CLPX: variants seen among roughly 807,000 people sequenced by gnomAD.
The protein encoded by CLPX is caseinolytic mitochondrial matrix peptidase chaperone subunit X.
Under a neutral mutation model 76.4 loss-of-function variants are expected in CLPX, and 34 were observed. The observed-to-expected ratio is 0.45, with a 90% CI of 0.34 to 0.59. The LOEUF (loss-of-function observed/expected upper bound fraction) is 0.59. Among genes scored for constraint, CLPX ranks in the 20% least tolerant of loss-of-function variants. CLPX has a pLI of 0.01. For missense variants in CLPX, 613 were observed against 757.0 expected (o/e 0.81, Z 2.23); for synonymous variants, 248 against 270.9 (o/e 0.92, Z 0.83).
chr15:65,183,261 G>A (rs1366579787), intron 1 of CLPX, among the ~76,000 whole-genome samples: 4 of 151,736 alleles, frequency 2.6e-5, no homozygotes, highest in African/African-American at 9.7e-5. Flanking sequence ...AGGAGATCGA[G>A]ACCATCCTGG....
intron 4 of CLPX, among the ~76,000 whole-genome samples, chr15:65,165,143 C>CCTCCTGGT (rs1447731144): frequency 2.0e-5 from 3 of 151,866 alleles, no homozygotes; most frequent in African/African-American, 7.3e-5. Context: ...TGCAGACCAG[C>CCTCCTGGT]CTGGACAACA....
intron 13 of CLPX, among the ~76,000 whole-genome samples, chr15:65,151,729 G>A (rs183510374): frequency 4.9e-4 from 74 of 152,232 alleles, no homozygotes; most frequent in African/African-American, 1.7e-3. Flanking sequence ...AACTAAGGTT[G>A]TTCAAAACAC....
chr15:65,155,759 ATGTT>A lies in CLPX; in HGVS notation c.1240_1243del (p.Asn414SerfsTer12). 1 of 1,613,418 alleles carries A rather than the reference ATGTT, an allele frequency of 6.2e-7. No homozygotes were observed. The highest frequency in any genetic ancestry group is 8.5e-7 in the Non-Finnish European group (1 of 1,179,350). On this transcript the variant is annotated frameshift_variant, in exon 10 of 14. Coordinates refer to ENST00000300107, the MANE Select transcript of CLPX (RefSeq NM_006660.5). LOFTEE classifies it high-confidence loss of function. ...GAAAGCACCAGATGCCACAAACAGG[ATGTT>A]TGTTGTATCAACTTGAACTGTTTCT...
Position 65,149,701 on chromosome 15 carries a change from A to T in CLPX, c.*1122T>A. 1 of 303,974 alleles carries T rather than the reference A, an allele frequency of 3.3e-6. No individual in the cohort carries two copies. The highest frequency in any genetic ancestry group is 6.5e-6 in the Non-Finnish European group (1 of 154,682). 18.8% of individuals were successfully genotyped at this position (303,974 alleles called of 1,614,324 possible). On this transcript the variant is annotated 3_prime_UTR_variant, in exon 14 of 14. Coordinates refer to ENST00000300107, the MANE Select transcript of CLPX (RefSeq NM_006660.5). Reference sequence around the variant, plus strand: ...AGGGTGAAACCCTGTCTCTACTAAAAATACAAAAATTAGCCAGGTGTGGTG... The same window carrying T: ...AGGGTGAAACCCTGTCTCTACTAAATATACAAAAATTAGCCAGGTGTGGTG...
chr15:65,154,959 T>C lies in CLPX; in HGVS notation c.1434A>G (p.Leu478=), dbSNP rs1178326652. 1 of 1,614,158 alleles carries C rather than the reference T, an allele frequency of 6.2e-7. No individual in the cohort carries two copies. The highest frequency in any genetic ancestry group is 2.2e-5 in the East Asian group (1 of 44,886). Reference sequence around the variant, plus strand: ...GATCTCTGGCTTCCACATGACGCAATAACCGATCTTTTTCTTCAATGTCTT... The same window carrying C: ...GATCTCTGGCTTCCACATGACGCAACAACCGATCTTTTTCTTCAATGTCTT... The part of the protein sequence containing the change: ...THQDIEEKDR[L]LRHVEARDLI... The change falls in exon 11 of 14, where the codon TTA becomes TTG. Residue 478 remains leucine (L), a synonymous_variant. Transcript: ENST00000300107.
chr15:65,175,388 C>T (rs944360620), intron 3 of CLPX, among the ~76,000 whole-genome samples: 4 of 151,958 alleles, frequency 2.6e-5, no homozygotes, highest in African/African-American at 9.7e-5. Context: ...TGGGAGGCTG[C>T]GGCTGAGGCA....
Position 65,160,592 on chromosome 15 carries a change from T to TTCTCTC in CLPX, c.716-1847_716-1842dup, listed in dbSNP as rs1226717522. On this transcript the variant is annotated intron_variant, in intron 6 of 13. Transcript: ENST00000300107. Reference sequence around the variant, plus strand: ...CCAGCAGGTGCTTGTCATTCACTCATTCTCTCTCTCTCTCTCTCTCTCTCT... The same window carrying TTCTCTC: ...CCAGCAGGTGCTTGTCATTCACTCATTCTCTCTCTCTCTCTCTCTCTCTCTCTCTCT... 9.3e-3 allele frequency among the ~76,000 whole-genome samples: 1,107 copies of TTCTCTC among 118,410 alleles called. 20 individuals carry two copies. Among genetic ancestry groups the TTCTCTC allele is most frequent in the African/African-American group, 0.031 (905 of 29,062 alleles). The allele number at this position is 118,410 out of a possible 152,430, so 77.7% of individuals were successfully genotyped here.
intron 1 of CLPX, among the ~76,000 whole-genome samples, chr15:65,183,478 A>G (rs916823264): frequency 7.3e-5 from 11 of 150,646 alleles, no homozygotes; most frequent in African/African-American, 1.7e-4. Context: ...AAAAAAAAAA[A>G]AAAAGAAAGA....
intron 3 of CLPX, 111 bp downstream of exon 3, chr15:65,178,823 G>A (rs1445086290): frequency 2.4e-5 from 13 of 530,902 alleles, no homozygotes; most frequent in East Asian, 3.4e-5. Flanking sequence ...GGCATAAGCC[G>A]TTTGCACCTG....
At chr15:65,158,521 A>T (rs2087817580) in intron 7 of CLPX, 54 bp downstream of exon 7, 3 of 1,441,604 alleles carry the variant, frequency 2.1e-6, no homozygotes, top group Non-Finnish European at 9.6e-7. Flanking sequence ...TTATAGAATC[A>T]TTTATATTCT....
Position 65,148,830 on chromosome 15 carries a change from GAAGGA to G in CLPX, c.*1988_*1992del, listed in dbSNP as rs1226717195. The G allele has an allele frequency of 6.6e-6, 1 of 151,312 alleles. No individual in the cohort carries two copies. The highest frequency in any genetic ancestry group is 2.4e-5 in the African/African-American group (1 of 41,230). 9.4% of individuals were successfully genotyped at this position (151,312 alleles called of 1,614,324 possible). A position where few individuals can be genotyped will look rare whatever the true frequency, so the allele number is the denominator to read the frequency against. On this transcript the variant is annotated 3_prime_UTR_variant, in exon 14 of 14. Coordinates refer to ENST00000300107, the MANE Select transcript of CLPX (RefSeq NM_006660.5). ...ATATAGAACTTGTACCACCATTATA[GAAGGA>G]AAGAAAAAAAGCTTAAAAGGTACCC...
At position 65,177,059 on chromosome 15, in the gene CLPX, T is replaced by C. The variant is rs146658900; in HGVS notation, c.358+1875A>G. Among the ~76,000 whole-genome samples, 661 of 152,164 alleles carry C rather than the reference T, an allele frequency of 4.3e-3. 8 individuals carry two copies. Among genetic ancestry groups the C allele is most frequent in the African/African-American group, 0.015 (616 of 41,532 alleles). On this transcript the variant is annotated intron_variant, in intron 3 of 13. Coordinates refer to ENST00000300107, the MANE Select transcript of CLPX (RefSeq NM_006660.5). ...CATCAAATTTGTTTAGAAGGTTTTA[T>C]CATCCAGTTCTACCTTTTTTTTTTG...
At chr15:65,167,601 C>A (rs180709844) in intron 3 of CLPX, among the ~76,000 whole-genome samples, 1 of 151,444 alleles carries the variant, frequency 6.6e-6, no homozygotes, top group African/African-American at 2.4e-5. Context: ...ATTTTTCGGG[C>A]GTGTTGGCTC....
chr15:65,171,737 G>T (rs1470034518), intron 3 of CLPX, among the ~76,000 whole-genome samples: 3 of 152,192 alleles, frequency 2.0e-5, no homozygotes, highest in Non-Finnish European at 2.9e-5. Context: ...CAGGCAGTGT[G>T]ACAGGAAAAT....
chr15:65,172,822 T>C (rs1007043939), intron 3 of CLPX, among the ~76,000 whole-genome samples: 13 of 150,714 alleles, frequency 8.6e-5, no homozygotes, highest in Non-Finnish European at 1.8e-4. Context: ...GGAGGATCAC[T>C]TGAGCCCAAG....
At chr15:65,158,546 G>A in intron 7 of CLPX, 29 bp downstream of exon 7, 1 of 1,553,694 alleles carries the variant, frequency 6.4e-7, no homozygotes, top group African/African-American at 1.4e-5. Flanking sequence ...TTTAAAATGA[G>A]TAGTAAATTT....
At chr15:65,160,430 T>C (rs1595938791) in intron 6 of CLPX, among the ~76,000 whole-genome samples, 2 of 152,256 alleles carry the variant, frequency 1.3e-5, no homozygotes, top group African/African-American at 4.8e-5. Flanking sequence ...GATAGTTAAA[T>C]TGTCACTAGC....
chr15:65,162,595 G>C lies in CLPX; in HGVS notation c.715+9C>G, dbSNP rs1260647623. ...GAATGATTACAGAGGAGGACCTGAAGTCACTTACTTGTAAATCTGTACTCA... is the reference window on the plus strand; with the variant it reads ...GAATGATTACAGAGGAGGACCTGAACTCACTTACTTGTAAATCTGTACTCA... On this transcript the variant is annotated intron_variant, in intron 6 of 13. Transcript: ENST00000300107. 1 of 1,573,942 alleles carries C rather than the reference G, an allele frequency of 6.4e-7. No homozygotes were observed. The highest frequency in any genetic ancestry group is 8.7e-7 in the Non-Finnish European group (1 of 1,147,226).
intron 3 of CLPX, among the ~76,000 whole-genome samples, chr15:65,169,236 G>A (rs1264265284): frequency 6.6e-6 from 1 of 151,890 alleles, no homozygotes; most frequent in Non-Finnish European, 1.5e-5. Context: ...TTACAGGCAT[G>A]AGCCACTGCG....
Sources: gnomAD v4.1 joint callset for allele counts (sites outside exome capture counted in the v4.1 genomes callset) on GRCh38, gnomAD v4.1.1 for gene constraint, MANE v1.5 for transcripts, NCBI Gene and HGNC (gene_info 2026-07-23, HGNC 2026-07-21) for gene names.